Variants in ALDH1A1 observed in about 807,000 individuals in gnomAD.
ALDH1A1 encodes aldehyde dehydrogenase 1A1.
ALDH1A1 carries 19 observed loss-of-function variants against 62.1 expected under a neutral mutation model. The observed-to-expected ratio is 0.31, with a 90% CI of 0.21 to 0.45. The LOEUF (loss-of-function observed/expected upper bound fraction) is 0.45, where lower values mean the gene tolerates loss of function less well. Among genes scored for constraint, ALDH1A1 ranks in the 20% least tolerant of loss-of-function variants. The pLI is 1.00. For missense variants in ALDH1A1, 521 were observed against 607.1 expected (o/e 0.86, Z 1.49); for synonymous variants, 231 against 215.9 (o/e 1.07, Z -0.61).
chr9:72,948,083 A>G (rs1024670832), intron 1 of ALDH1A1, among the ~76,000 whole-genome samples: 2 of 151,900 alleles, frequency 1.3e-5, no homozygotes, highest in Non-Finnish European at 2.9e-5. Flanking sequence ...TCTCATTCCC[A>G]ATTCACAGAC....
In ALDH1A1 at chr9:72,924,038, G is replaced by T; in HGVS notation, c.728C>A (p.Ala243Asp). Residue 243 changes from alanine to aspartate, a missense_variant, in exon 7 of 13, where the codon GCC becomes GAC. Ala to Asp is a moderately radical substitution (Grantham distance 126). Transcript: ENST00000297785. The part of the protein sequence containing the change: ...ISSHMDIDKV[A>D]FTGSTEVGKL... ...TATTACCTCTGTTGATCCTGTGAAG[G>T]CTACTTTGTCTATATCCATGTGAGA... is the stretch of plus-strand genomic sequence containing the variant. 6.2e-7 allele frequency: 1 copy of T among 1,606,380 alleles called. No homozygotes were observed. The highest frequency in any genetic ancestry group is 8.5e-7 in the Non-Finnish European group (1 of 1,176,796).
chr9:72,927,164 A>T lies in ALDH1A1; in HGVS notation c.456T>A (p.Phe152Leu), dbSNP rs139374917. The T allele has an allele frequency of 6.5e-4, 1,047 of 1,603,168 alleles. 6 individuals carry two copies. In the African/African-American group the frequency reaches 0.013, roughly 19 times the overall value. The change falls in exon 5 of 13, where the codon TTT (phenylalanine) becomes TTA (leucine). Residue 152 changes from phenylalanine (F) to leucine (L), a missense_variant. Physicochemically the swap from Phe to Leu is conservative, Grantham distance 22. Coordinates refer to ENST00000297785, the MANE Select transcript of ALDH1A1 (RefSeq NM_000689.5). ...CAATAGGTTCATGTCTTGTATATGT[A>T]AAAAAATTTCCATCTGAAAAATAAA... ...GRTIPIDGNFFTYTRHEPIGV... is the reference protein window; with the variant it reads ...GRTIPIDGNFLTYTRHEPIGV...
At chr9:72,902,453 T>G (rs1829817632) in intron 12 of ALDH1A1, among the ~76,000 whole-genome samples, 1 of 151,992 alleles carries the variant, frequency 6.6e-6, no homozygotes, top group Admixed American at 6.6e-5. Context: ...ACTGATTATT[T>G]TCTTGGGCAA....
chr9:72,951,115 C>G (rs911238172), intron 1 of ALDH1A1, among the ~76,000 whole-genome samples: 1 of 151,782 alleles, frequency 6.6e-6, no homozygotes, highest in Non-Finnish European at 1.5e-5. Flanking sequence ...GTATTTTTAC[C>G]CAGAAAAGTT....
chr9:72,901,438 C>A (rs1040860317), intron 12 of ALDH1A1, among the ~76,000 whole-genome samples, 158 bp from the exon 13 acceptor site: 2 of 152,084 alleles, frequency 1.3e-5, no homozygotes, highest in African/African-American at 2.4e-5. Context: ...GCTAGCCAAT[C>A]ATAAGATTTC....
chr9:72,931,653 T>A (rs928036850), intron 2 of ALDH1A1, among the ~76,000 whole-genome samples: 5 of 152,188 alleles, frequency 3.3e-5, no homozygotes, highest in Non-Finnish European at 5.9e-5. Context: ...AGAACTTTGC[T>A]TTGCTGTTGA....
At chr9:72,945,693 T>A (rs1347538714) in intron 1 of ALDH1A1, among the ~76,000 whole-genome samples, 1 of 151,726 alleles carries the variant, frequency 6.6e-6, no homozygotes, top group East Asian at 1.9e-4. Flanking sequence ...TGAACAAAAG[T>A]CAGGTGGGGT....
At chr9:72,903,756 C>A (rs955204858) in intron 12 of ALDH1A1, among the ~76,000 whole-genome samples, 8 of 151,942 alleles carry the variant, frequency 5.3e-5, no homozygotes, top group Non-Finnish European at 1.0e-4. Flanking sequence ...ACCTTAAAGT[C>A]TGACCAAATT....
chr9:72,919,700 G>A (rs1216690067), intron 7 of ALDH1A1, among the ~76,000 whole-genome samples: 1 of 152,140 alleles, frequency 6.6e-6, no homozygotes, highest in Non-Finnish European at 1.5e-5. Context: ...ATTGACAGTC[G>A]TCTCTCTATC....
At chr9:72,952,474 C>T (rs1048512760) in intron 1 of ALDH1A1, among the ~76,000 whole-genome samples, 15 of 151,930 alleles carry the variant, frequency 9.9e-5, no homozygotes, top group African/African-American at 2.4e-4. Flanking sequence ...CTTAAGTCCC[C>T]CTATTTTAAC....
At chr9:72,944,843 C>T (rs1194488007) in intron 1 of ALDH1A1, among the ~76,000 whole-genome samples, 2 of 151,994 alleles carry the variant, frequency 1.3e-5, no homozygotes, top group Non-Finnish European at 2.9e-5. Context: ...AAGTAGACAT[C>T]AACCTTCTGT....
At chr9:72,950,938 A>C (rs1830537283) in intron 1 of ALDH1A1, among the ~76,000 whole-genome samples, 1 of 151,844 alleles carries the variant, frequency 6.6e-6, no homozygotes, top group Admixed American at 6.6e-5. Flanking sequence ...AAAAATGCGA[A>C]GGCATTTGAA....
At chr9:72,929,772 A>G (rs545844512) in intron 3 of ALDH1A1, among the ~76,000 whole-genome samples, 1 of 152,288 alleles carries the variant, frequency 6.6e-6, no homozygotes, top group Admixed American at 6.5e-5. Context: ...TTGTTTCTGT[A>G]CTACACTCTC....
chr9:72,911,854 G>C, intron 10 of ALDH1A1, 104 bp downstream of exon 10: 1 of 1,294,660 alleles, frequency 7.7e-7, no homozygotes. Context: ...GGTTTAGAGG[G>C]AAAGATGTTC....
At chr9:72,937,201 GTA>G (rs1830356565) in intron 2 of ALDH1A1, among the ~76,000 whole-genome samples, 1 of 152,106 alleles carries the variant, frequency 6.6e-6, no homozygotes, top group South Asian at 2.1e-4. Context: ...TATATCTATA[GTA>G]TAGTATATCT....
At chr9:72,938,508 G>A (rs1436111006) in intron 2 of ALDH1A1, among the ~76,000 whole-genome samples, 4 of 152,112 alleles carry the variant, frequency 2.6e-5, no homozygotes, top group South Asian at 2.1e-4. Context: ...CTGCAATGAT[G>A]CGATCTCGGC....
chr9:72,928,018 T>C, intron 4 of ALDH1A1, among the ~76,000 whole-genome samples: 1 of 78,820 alleles, frequency 1.3e-5, no homozygotes, highest in Non-Finnish European at 3.3e-5. Context: ...TTAAGTGACT[T>C]CTCCCATTTT....
chr9:72,904,233 G>A lies in ALDH1A1; in HGVS notation c.1433+1725C>T, dbSNP rs546116620. 4.6e-5 allele frequency among the ~76,000 whole-genome samples: 7 copies of A among 152,162 alleles called. No homozygotes were observed. The East Asian group carries it at 1.4e-3, about 29-fold the overall frequency. On this transcript the variant is annotated intron_variant, in intron 12 of 12. Coordinates refer to ENST00000297785, the MANE Select transcript of ALDH1A1 (RefSeq NM_000689.5). ...ACTCCAGTAATGTTTTCTCAGCTAC[G>A]CCATGCATTTTTGATGGGCTAACTT...
Position 72,909,708 on chromosome 9 carries a change from T to C in ALDH1A1, c.1252A>G (p.Ile418Val). Residue 418 changes from isoleucine (I) to valine (V), a missense_variant, in exon 11 of 13, where the codon ATC becomes GTC. Transcript: ENST00000297785. ...IMKFKSLDDVIKRANNTFYGL... is the reference protein window; with the variant it reads ...IMKFKSLDDVVKRANNTFYGL... ...TAGAAAGTATTGTTTGCTCTTTTGA[T>C]CACGTCATCTAAAGATTTAAACTTC... The C allele has an allele frequency of 6.2e-7, 1 of 1,613,850 alleles. No homozygotes were observed.
Sources: allele counts gnomAD v4.1 joint callset (sites outside exome capture counted in the v4.1 genomes callset), GRCh38; gene constraint gnomAD v4.1.1; transcripts MANE v1.5; gene names NCBI Gene and HGNC (gene_info 2026-07-23, HGNC 2026-07-21).